ADGRB3: variants seen among roughly 807,000 people sequenced by gnomAD.
ADGRB3 encodes the protein brain-specific angiogenesis inhibitor 3.
In ADGRB3, 37 loss-of-function variants were observed where a neutral mutation model predicts 193.4. That is an observed-to-expected ratio of 0.19 (90% confidence interval 0.15 to 0.25). The LOEUF (loss-of-function observed/expected upper bound fraction) is 0.25, where lower values mean the gene tolerates loss of function less well. ADGRB3 is among the 10% of genes least tolerant of loss of function. ADGRB3 has a pLI of 1.00. For synonymous variants in ADGRB3, 690 were observed against 644.2 expected, an observed-to-expected ratio of 1.07 and a Z score of -1.08; for missense variants, 1,637 against 1,852.9, an observed-to-expected ratio of 0.88 and a Z score of 2.14.
chr6:68,929,090 G>A (rs1767265348), intron 3 of ADGRB3, among the ~76,000 whole-genome samples: 1 of 152,142 alleles, frequency 6.6e-6, no homozygotes, highest in Non-Finnish European at 1.5e-5. Context: ...GGAATGAAAG[G>A]ATGTTGGCGG....
At chr6:69,207,051 G>T (rs57453804) in intron 17 of ADGRB3, among the ~76,000 whole-genome samples, 21,438 of 152,164 alleles carry the variant, frequency 0.14, 1,568 homozygotes, top group Admixed American at 0.16. Flanking sequence ...ATTTCATCTT[G>T]ATAGTCTAGG....
intron 17 of ADGRB3, among the ~76,000 whole-genome samples, chr6:69,157,781 G>T (rs1011399155): frequency 4.6e-5 from 7 of 151,732 alleles, no homozygotes; most frequent in African/African-American, 1.7e-4. Context: ...AGAAATTGAT[G>T]GTTAGAATGG....
chr6:69,206,295 C>A (rs1182245598), intron 17 of ADGRB3, among the ~76,000 whole-genome samples: 5 of 151,966 alleles, frequency 3.3e-5, no homozygotes, highest in Non-Finnish European at 7.4e-5. Context: ...TCTAGCTGCG[C>A]TGGCAACTGA....
At chr6:69,317,122 G>T (rs1768329499) in intron 20 of ADGRB3, among the ~76,000 whole-genome samples, 2 of 151,454 alleles carry the variant, frequency 1.3e-5, no homozygotes, top group Admixed American at 6.6e-5. Context: ...AATGAATCAA[G>T]TTTTATTATA....
intron 17 of ADGRB3, among the ~76,000 whole-genome samples, chr6:69,110,982 T>A (rs1183850028): frequency 1.3e-5 from 2 of 152,206 alleles, no homozygotes; most frequent in Non-Finnish European, 2.9e-5. Flanking sequence ...ATTCAGAATA[T>A]AAAATAAATT....
chr6:68,832,322 A>T (rs1429409388), intron 3 of ADGRB3, among the ~76,000 whole-genome samples: 1 of 152,154 alleles, frequency 6.6e-6, no homozygotes, highest in Non-Finnish European at 1.5e-5. Context: ...TGTTTATTTA[A>T]AAAGTATGTC....
intron 17 of ADGRB3, among the ~76,000 whole-genome samples, chr6:69,132,763 T>C (rs912777578): frequency 3.3e-5 from 5 of 152,062 alleles, no homozygotes; most frequent in Non-Finnish European, 5.9e-5. Context: ...TTTTAGGTCT[T>C]ATGTTTAAGT....
At chr6:68,843,104 C>T (rs492863) in intron 3 of ADGRB3, among the ~76,000 whole-genome samples, 32,504 of 150,794 alleles carry the variant, frequency 0.22, 4,045 homozygotes, top group East Asian at 0.58. Flanking sequence ...GAAAGCCTTT[C>T]CTCTAAGATC....
intron 17 of ADGRB3, among the ~76,000 whole-genome samples, chr6:69,165,497 G>T (rs147864030): frequency 2.2e-4 from 34 of 151,176 alleles, no homozygotes; most frequent in African/African-American, 8.3e-4. Context: ...TATCATCCTG[G>T]AGTTGATTTT....
At chr6:69,249,281 T>G (rs967559569) in intron 20 of ADGRB3, among the ~76,000 whole-genome samples, 4 of 152,208 alleles carry the variant, frequency 2.6e-5, no homozygotes, top group African/African-American at 9.6e-5. Flanking sequence ...CAGCTGAGTT[T>G]CTTCTTTGGA....
At chr6:68,774,369 TA>T (rs1766697343) in intron 3 of ADGRB3, among the ~76,000 whole-genome samples, 2 of 142,858 alleles carry the variant, frequency 1.4e-5, no homozygotes, top group Admixed American at 6.9e-5. Context: ...CCACTATGCC[TA>T]TTTTTTTTTT....
chr6:68,940,420 A>G (rs1033697352), intron 5 of ADGRB3, among the ~76,000 whole-genome samples: 2 of 151,840 alleles, frequency 1.3e-5, no homozygotes, highest in South Asian at 2.1e-4. Context: ...ACAACCAAAT[A>G]TGTCTCTAGT....
intron 20 of ADGRB3, among the ~76,000 whole-genome samples, chr6:69,294,079 T>G (rs1211177077): frequency 1.3e-5 from 2 of 152,162 alleles, no homozygotes; most frequent in Non-Finnish European, 2.9e-5. Flanking sequence ...AGCCTTCTCT[T>G]ACTTGCTTAA....
intron 3 of ADGRB3, among the ~76,000 whole-genome samples, chr6:68,641,198 G>C (rs972900773): frequency 2.0e-5 from 3 of 152,082 alleles, no homozygotes; most frequent in Non-Finnish European, 2.9e-5. Flanking sequence ...GAGTACTGAC[G>C]ACAGTGGAGA....
chr6:69,073,241 T>C (rs953980573), intron 16 of ADGRB3, among the ~76,000 whole-genome samples: 3 of 151,788 alleles, frequency 2.0e-5, no homozygotes, highest in African/African-American at 7.3e-5. Flanking sequence ...GAGCATTCCC[T>C]AACAAGTAAG....
intron 28 of ADGRB3, among the ~76,000 whole-genome samples, chr6:69,359,580 C>T (rs1404567921): frequency 1.3e-5 from 2 of 151,694 alleles, no homozygotes; most frequent in African/African-American, 4.8e-5. Flanking sequence ...ATTTTAAAGT[C>T]TTGTTTCTAT....
intron 11 of ADGRB3, among the ~76,000 whole-genome samples, chr6:69,003,329 T>TTTTTTTA (rs1306666952): frequency 3.9e-5 from 6 of 152,190 alleles, no homozygotes; most frequent in Admixed American, 2.0e-4. Context: ...TGGGCACTGC[T>TTTTTTTA]TTTTTTATTT....
chr6:68,661,119 G>A (rs1311372856), intron 3 of ADGRB3, among the ~76,000 whole-genome samples: 1 of 149,976 alleles, frequency 6.7e-6, no homozygotes, highest in African/African-American at 2.4e-5. Flanking sequence ...TCTAGGTATA[G>A]TATTACATGA....
intron 20 of ADGRB3, among the ~76,000 whole-genome samples, chr6:69,323,534 C>G (rs972435008): frequency 9.2e-5 from 14 of 151,976 alleles, no homozygotes; most frequent in African/African-American, 3.4e-4. Flanking sequence ...TAAGCAGAAA[C>G]AAGTACTAAA....
Sources: gnomAD v4.1 joint callset for allele counts (sites outside exome capture counted in the v4.1 genomes callset) on GRCh38, gnomAD v4.1.1 for gene constraint, MANE v1.5 for transcripts, NCBI Gene and HGNC (gene_info 2026-07-23, HGNC 2026-07-21) for gene names.